Variants in AFAP1 observed in about 807,000 individuals in gnomAD.
AFAP1 encodes actin filament-associated protein 1.
Under a neutral mutation model 93.9 loss-of-function variants are expected in AFAP1, and 75 were observed. That is an observed-to-expected ratio of 0.80 (90% CI 0.66 to 0.97). AFAP1 has a LOEUF of 0.97. Among genes scored for constraint, AFAP1 ranks in the 50% least tolerant of loss-of-function variants. The pLI, the probability that AFAP1 is intolerant of heterozygous loss-of-function variation, is 0.00. For missense variants in AFAP1, 1,201 were observed against 1,050.8 expected (o/e 1.14, Z -1.98); for synonymous variants, 517 against 430.7 (o/e 1.20, Z -2.48).
chr4:7,873,077 T>C (rs1480964356), intron 1 of AFAP1, among the ~76,000 whole-genome samples: 1 of 151,000 alleles, frequency 6.6e-6, no homozygotes, highest in African/African-American at 2.4e-5. Context: ...TGGCCATCTC[T>C]ATTAAAAATA....
rs998591663 is a variant in AFAP1 at position 7,759,545 on chromosome 4, G to A, written c.*4220C>T. The A allele has an allele frequency of 3.3e-5, 5 of 152,438 alleles. No individual in the cohort carries two copies. The highest frequency in any genetic ancestry group is 1.2e-4 in the African/African-American group (5 of 41,434). 9.4% of individuals were successfully genotyped at this position (152,438 alleles called of 1,614,324 possible). A position where few individuals can be genotyped will look rare whatever the true frequency, so the allele number is the denominator to read the frequency against. On this transcript the variant is annotated 3_prime_UTR_variant, in exon 18 of 18. Transcript: ENST00000420658. ...ACAGTATGAACCCAGCCCACCAAGGGGATAAGAAGACAGTGACAACCAGGA... is the reference window on the plus strand; with the variant it reads ...ACAGTATGAACCCAGCCCACCAAGGAGATAAGAAGACAGTGACAACCAGGA...
chr4:7,857,867 T>C (rs995725200), intron 3 of AFAP1, among the ~76,000 whole-genome samples: 5 of 149,832 alleles, frequency 3.3e-5, no homozygotes, highest in Non-Finnish European at 7.4e-5. Context: ...TCTGAATCGA[T>C]GGGGTTCTGA....
chr4:7,846,511 G>A (rs936058401), intron 4 of AFAP1, among the ~76,000 whole-genome samples: 20 of 152,284 alleles, frequency 1.3e-4, no homozygotes, highest in South Asian at 1.2e-3. Context: ...TTCTCATAGC[G>A]GCCTGGAGGA....
intron 6 of AFAP1, among the ~76,000 whole-genome samples, chr4:7,823,559 G>C (rs1365791274): frequency 6.6e-6 from 1 of 152,106 alleles, no homozygotes; most frequent in African/African-American, 2.4e-5. Context: ...CCTGGTCCCT[G>C]GAGTGTCCCC....
At chr4:7,789,228 T>C (rs908718436) in intron 11 of AFAP1, among the ~76,000 whole-genome samples, 1 of 152,156 alleles carries the variant, frequency 6.6e-6, no homozygotes, top group African/African-American at 2.4e-5. Flanking sequence ...CAATAGGATT[T>C]GCAGCCAAAG....
At chr4:7,817,662 T>A (rs530426435) in intron 7 of AFAP1, among the ~76,000 whole-genome samples, 1 of 151,274 alleles carries the variant, frequency 6.6e-6, no homozygotes, top group South Asian at 2.1e-4. Context: ...TAAGTGATAA[T>A]GGAGTCATAC....
intron 6 of AFAP1, among the ~76,000 whole-genome samples, chr4:7,836,408 C>T (rs1211249602): frequency 6.6e-6 from 1 of 152,204 alleles, no homozygotes; most frequent in South Asian, 2.1e-4. Flanking sequence ...CTAAGAAGAA[C>T]AGGGGTGGTG....
chr4:7,920,352 T>C (rs1720374136), intron 1 of AFAP1, among the ~76,000 whole-genome samples: 1 of 152,224 alleles, frequency 6.6e-6, no homozygotes, highest in African/African-American at 2.4e-5. Flanking sequence ...TCAACCCATA[T>C]ACTCTATCTG....
intron 1 of AFAP1, among the ~76,000 whole-genome samples, chr4:7,918,176 A>G (rs4696780): frequency 0.56 from 78,488 of 140,248 alleles, 25,274 homozygotes; most frequent in African/African-American, 0.85. Context: ...CCGGGCTGCC[A>G]GAAGAGACAC....
At chr4:7,932,760 G>A (rs112539624) in intron 1 of AFAP1, among the ~76,000 whole-genome samples, 10 of 152,018 alleles carry the variant, frequency 6.6e-5, no homozygotes, top group African/African-American at 1.2e-4. Context: ...AGTGGCTCAC[G>A]CCTGTAATTC....
At chr4:7,922,803 G>T (rs1378649107) in intron 1 of AFAP1, among the ~76,000 whole-genome samples, 1 of 152,158 alleles carries the variant, frequency 6.6e-6, no homozygotes, top group Admixed American at 6.5e-5. Flanking sequence ...GGACAACACA[G>T]CAAGACCCTG....
rs1206929313 is a variant in AFAP1 at position 7,759,684 on chromosome 4, C to T, written c.*4081G>A. 1 of 152,608 alleles carries T rather than the reference C, an allele frequency of 6.6e-6. No individual in the cohort carries two copies. The highest frequency in any genetic ancestry group is 1.5e-5 in the Non-Finnish European group (1 of 68,068). The allele number at this position is 152,608 out of a possible 1,614,324, so 9.5% of individuals were successfully genotyped here. ...GCAATAGTTTAGTTTAACATTGAAACATTGCCACGACCTTTATGTAAGCTG... is the reference window on the plus strand; with the variant it reads ...GCAATAGTTTAGTTTAACATTGAAATATTGCCACGACCTTTATGTAAGCTG... On this transcript the variant is annotated 3_prime_UTR_variant, in exon 18 of 18. Transcript: ENST00000420658.
At chr4:7,813,172 C>A (rs6819001) in intron 8 of AFAP1, among the ~76,000 whole-genome samples, 3,620 of 152,254 alleles carry the variant, frequency 0.024, 109 homozygotes, top group African/African-American at 0.074. Context: ...CTCTATGCAG[C>A]CCGCAGAGAA....
At chr4:7,848,851 G>A (rs1318184119) in intron 4 of AFAP1, among the ~76,000 whole-genome samples, 4 of 152,152 alleles carry the variant, frequency 2.6e-5, no homozygotes, top group Non-Finnish European at 4.4e-5. Context: ...TCATTCTGAT[G>A]AAATTAAGGA....
At chr4:7,793,617 A>G in intron 11 of AFAP1, 64 bp downstream of exon 11, 1 of 1,395,234 alleles carries the variant, frequency 7.2e-7, no homozygotes, top group Non-Finnish European at 9.5e-7. Flanking sequence ...AACTAAGTTA[A>G]GCTAAGTTAG....
intron 4 of AFAP1, 90 bp downstream of exon 4, chr4:7,855,376 T>G: frequency 2.0e-6 from 2 of 1,009,246 alleles, no homozygotes; most frequent in Non-Finnish European, 2.9e-6. Context: ...TATAATACCC[T>G]GTTGCCCTTC....
rs910315453 is a variant in AFAP1, at chr4:7,860,594, G to A, written c.226-5020C>T. ...TGATTTCACAGATGAGGAAACTGAG[G>A]CTCAAGAGATTAAAGACACTGCCCG... On this transcript the variant is annotated intron_variant, in intron 3 of 17. Transcript: ENST00000420658. Among the ~76,000 whole-genome samples the A allele has an allele frequency of 2.0e-5, 3 of 152,120 alleles. No individual in the cohort carries two copies. In the East Asian group the frequency reaches 5.8e-4, roughly 29 times the overall value.
intron 6 of AFAP1, among the ~76,000 whole-genome samples, chr4:7,827,534 G>A (rs555985863): frequency 9.7e-4 from 116 of 119,466 alleles, no homozygotes; most frequent in African/African-American, 3.6e-3. Context: ...TAGTGCCATT[G>A]CACTCCAGCA....
intron 6 of AFAP1, among the ~76,000 whole-genome samples, chr4:7,833,173 AG>A (rs1251112773): frequency 1.3e-5 from 2 of 152,222 alleles, no homozygotes; most frequent in African/African-American, 4.8e-5. Flanking sequence ...TAAACTAAGG[AG>A]CTTTTTCATG....
Sources: gnomAD v4.1 joint callset for allele counts (sites outside exome capture counted in the v4.1 genomes callset) on GRCh38, gnomAD v4.1.1 for gene constraint, MANE v1.5 for transcripts, NCBI Gene and HGNC (gene_info 2026-07-23, HGNC 2026-07-21) for gene names.